The following KREMEN1 variants were observed in gnomAD, a reference collection of about 807,000 sequenced individuals.
The protein encoded by KREMEN1 is kremen protein 1.
In KREMEN1, 30 loss-of-function variants were observed where a neutral mutation model predicts 46.5. That is an observed-to-expected ratio of 0.65 (90% confidence interval 0.48 to 0.88). KREMEN1 has a LOEUF of 0.88. Among genes scored for constraint, KREMEN1 ranks in the 40% least tolerant of loss-of-function variants. KREMEN1 has a pLI of 0.00. For synonymous variants in KREMEN1, 214 were observed against 230.6 expected (o/e 0.93, Z 0.65); for missense variants, 533 against 596.9 (o/e 0.89, Z 1.11).
At chr22:29,099,948 T>C (rs73390895) in intron 3 of KREMEN1, among the ~76,000 whole-genome samples, 213 of 152,296 alleles carry the variant, frequency 1.4e-3, no homozygotes, top group African/African-American at 4.9e-3. Context: ...GATACAGTCA[T>C]GCACCACACA....
chr22:29,161,270 G>C (rs2039007195), intron 9 of KREMEN1, among the ~76,000 whole-genome samples: 1 of 152,046 alleles, frequency 6.6e-6, no homozygotes, highest in Admixed American at 6.6e-5. Context: ...CACTTTGGGG[G>C]GCCAAGGTGG....
intron 3 of KREMEN1, among the ~76,000 whole-genome samples, chr22:29,120,447 A>C (rs2038329127): frequency 1.0e-5 from 1 of 100,500 alleles, no homozygotes. Context: ...TGATGATGGA[A>C]ACAGGGAGGA....
Position 29,098,954 on chromosome 22 carries a change from G to A in KREMEN1, c.352+1G>A. ...TACTGTGAGATACCTGCTTGCCAGA[G>A]TAAGACTGTAATACCCAATGTGATG... On this transcript the variant is annotated splice_donor_variant, in intron 3 of 8. Coordinates refer to ENST00000400335, the MANE Select transcript of KREMEN1 (RefSeq NM_001039570.3). LOFTEE classifies it high-confidence loss of function. 1.2e-6 allele frequency: 2 copies of A among 1,603,762 alleles called. No homozygotes were observed. Among genetic ancestry groups the A allele is most frequent in the African/African-American group, 1.3e-5 (1 of 74,876 alleles).
At chr22:29,096,257 T>C (rs1455588824) in intron 2 of KREMEN1, among the ~76,000 whole-genome samples, 1 of 152,218 alleles carries the variant, frequency 6.6e-6, no homozygotes, top group Non-Finnish European at 1.5e-5. Context: ...GTTGCTTATC[T>C]TCTTGTTCCA....
chr22:29,132,062 G>A (rs2038572359), intron 5 of KREMEN1, among the ~76,000 whole-genome samples: 1 of 151,460 alleles, frequency 6.6e-6, no homozygotes, highest in Admixed American at 6.6e-5. Flanking sequence ...AGTAGAGATG[G>A]GGTTTCTCCG....
intron 4 of KREMEN1, among the ~76,000 whole-genome samples, chr22:29,124,935 C>G (rs2038416650): frequency 6.6e-6 from 1 of 152,174 alleles, no homozygotes; most frequent in African/African-American, 2.4e-5. Flanking sequence ...CACTGCCTGG[C>G]TCATAGTAAA....
At chr22:29,074,253 C>G (rs1358617891) in intron 1 of KREMEN1, among the ~76,000 whole-genome samples, 6 of 152,248 alleles carry the variant, frequency 3.9e-5, no homozygotes, top group Non-Finnish European at 8.8e-5. Context: ...CCGCTTTGAA[C>G]TTCCCTATGA....
At chr22:29,078,585 TA>T (rs1213607919) in intron 1 of KREMEN1, among the ~76,000 whole-genome samples, 2 of 152,232 alleles carry the variant, frequency 1.3e-5, no homozygotes, top group Non-Finnish European at 2.9e-5. Flanking sequence ...AAAGTCGTTT[TA>T]AAAAATAACA....
At position 29,131,666 on chromosome 22, in the gene KREMEN1, A is replaced by G. The variant is rs867032873; in HGVS notation, c.632-5676A>G. 5.8e-4 allele frequency among the ~76,000 whole-genome samples: 58 copies of G among 99,622 alleles called. 1 individual carries two copies. The highest frequency in any genetic ancestry group is 2.0e-3 in the African/African-American group (47 of 23,972). 65.4% of individuals were successfully genotyped at this position (99,622 alleles called of 152,430 possible). On this transcript the variant is annotated intron_variant, in intron 5 of 8. Coordinates refer to ENST00000400335, the MANE Select transcript of KREMEN1 (RefSeq NM_001039570.3). ...TGTGTATATATATGTATATATATAC[A>G]TGTATATATATGCATATATACATGT... is the stretch of plus-strand genomic sequence containing the variant.
chr22:29,078,943 T>C (rs1305892619), intron 1 of KREMEN1, among the ~76,000 whole-genome samples: 1 of 152,254 alleles, frequency 6.6e-6, no homozygotes, highest in African/African-American at 2.4e-5. Context: ...ATATTCAGTT[T>C]GACCTTGAGA....
At chr22:29,127,135 C>G (rs1459821982) in intron 5 of KREMEN1, among the ~76,000 whole-genome samples, 3 of 152,042 alleles carry the variant, frequency 2.0e-5, no homozygotes, top group Non-Finnish European at 4.4e-5. Flanking sequence ...GCATGAAGGC[C>G]TTATCTAAAT....
Position 29,144,257 on chromosome 22 carries a change from C to G in KREMEN1, c.*2145C>G. ...GGTTCTGGAAACACCTCTGCACCTGCCGCCCCTGGGAGGAAAGAGGGCCAC... is the reference window on the plus strand; with the variant it reads ...GGTTCTGGAAACACCTCTGCACCTGGCGCCCCTGGGAGGAAAGAGGGCCAC... On this transcript the variant is annotated 3_prime_UTR_variant, in exon 9 of 9. Coordinates refer to ENST00000400335, the MANE Select transcript of KREMEN1 (RefSeq NM_001039570.3). 1.0e-6 allele frequency: 1 copy of G among 985,652 alleles called. No individual in the cohort carries two copies. Among genetic ancestry groups the G allele is most frequent in the Non-Finnish European group, 1.2e-6 (1 of 830,086 alleles). 61.1% of individuals were successfully genotyped at this position (985,652 alleles called of 1,614,324 possible). A position where few individuals can be genotyped will look rare whatever the true frequency, so the allele number is the denominator to read the frequency against.
Position 29,137,404 on chromosome 22 carries a change from T to C in KREMEN1, c.694T>C (p.Phe232Leu), listed in dbSNP as rs754510885. The C allele has an allele frequency of 3.8e-6, 6 of 1,567,582 alleles. No homozygotes were observed. Among genetic ancestry groups the C allele is most frequent in the Admixed American group, 1.7e-5 (1 of 57,474 alleles). The change falls in exon 6 of 9, where the codon TTC (phenylalanine) becomes CTC (leucine). Residue 232 changes from phenylalanine to leucine, a missense_variant. Coordinates refer to ENST00000400335, the MANE Select transcript of KREMEN1 (RefSeq NM_001039570.3). ...AMSSVVYSPD[F>L]PDTYATGRVC... Reference sequence around the variant, plus strand: ...GTCTTCTGTGGTCTATTCCCCTGACTTCCCCGACACCTATGCCACGGGGAG... The same window carrying C: ...GTCTTCTGTGGTCTATTCCCCTGACCTCCCCGACACCTATGCCACGGGGAG...
chr22:29,073,175 G>C lies in KREMEN1; in HGVS notation c.45G>C (p.Ala15=), dbSNP rs1408019400. The C allele has an allele frequency of 8.5e-7, 1 of 1,173,998 alleles. No homozygotes were observed. Among genetic ancestry groups the C allele is most frequent in the Non-Finnish European group, 1.0e-6 (1 of 952,854 alleles). 72.7% of individuals were successfully genotyped at this position (1,173,998 alleles called of 1,614,324 possible). A position where few individuals can be genotyped will look rare whatever the true frequency, so the allele number is the denominator to read the frequency against. ...GCCTCGCCCTGCTCTCCGCCGCGGC[G>C]CTCACGCTGGCGGCCCGGCCCGCGC... The part of the protein sequence containing the change: ...AARLALLSAA[A]LTLAARPAPS... Residue 15 remains alanine (A), a synonymous_variant, in exon 1 of 9, where the codon GCG becomes GCC. Transcript: ENST00000400335. The surrounding 1 kb of genome is among the most constrained non-coding windows in gnomAD (Gnocchi z 4.4).
chr22:29,140,761 T>A (rs1317499782), intron 8 of KREMEN1, among the ~76,000 whole-genome samples: 1 of 152,266 alleles, frequency 6.6e-6, no homozygotes, highest in East Asian at 1.9e-4. Context: ...ATTCTCACAT[T>A]TTATTAACTA....
intron 3 of KREMEN1, among the ~76,000 whole-genome samples, chr22:29,120,653 T>TGCTGACGGAAACAGAGGAAGGAGGGA (rs1556010291): frequency 1.8e-4 from 7 of 38,248 alleles, no homozygotes; most frequent in Admixed American, 6.3e-4. Flanking sequence ...AAACAGAGGG[T>TGCTGACGGAAACAGAGGAAGGAGGGA]GAAATGGTGC....
chr22:29,078,246 A>C (rs1448878000), intron 1 of KREMEN1, among the ~76,000 whole-genome samples: 1 of 152,238 alleles, frequency 6.6e-6, no homozygotes, highest in Non-Finnish European at 1.5e-5. Flanking sequence ...CAACAGAGCA[A>C]GACCCTGTCT....
chr22:29,100,068 C>T (rs975472942), intron 3 of KREMEN1, among the ~76,000 whole-genome samples: 9 of 150,828 alleles, frequency 6.0e-5, no homozygotes, highest in African/African-American at 2.2e-4. Context: ...TTCTTTCTTC[C>T]CTTCTCACTA....
At chr22:29,078,767 G>A (rs1055296879) in intron 1 of KREMEN1, among the ~76,000 whole-genome samples, 3 of 152,158 alleles carry the variant, frequency 2.0e-5, no homozygotes, top group South Asian at 2.1e-4. Context: ...AGTGTCTGCC[G>A]CCTGAATAAG....
Sources: gnomAD v4.1 joint callset for allele counts (sites outside exome capture counted in the v4.1 genomes callset) on GRCh38, gnomAD v4.1.1 for gene constraint, Gnocchi (gnomAD v3.1) non-coding constraint, MANE v1.5 for transcripts, NCBI Gene and HGNC (gene_info 2026-07-23, HGNC 2026-07-21) for gene names.